Variants in PAAF1 observed in about 807,000 individuals in gnomAD.
PAAF1 encodes proteasomal ATPase associated factor 1, also known as proteasomal ATPase-associated factor 1.
Under a neutral mutation model 52.8 loss-of-function variants are expected in PAAF1, and 46 were observed. The observed-to-expected ratio is 0.87, with a 90% CI of 0.69 to 1.11. The LOEUF is 1.11. Ranked by LOEUF, PAAF1 falls within the 50% of genes most tolerant of loss-of-function variation. The probability of loss-of-function intolerance (pLI) is 0.00; values close to 1 mark genes in which losing one functional copy is unlikely to be tolerated. For missense variants in PAAF1, 424 were observed against 477.4 expected (o/e 0.89, Z 1.04); for synonymous variants, 178 against 172.8 (o/e 1.03, Z -0.24).
intron 2 of PAAF1, among the ~76,000 whole-genome samples, chr11:73,882,161 G>A (rs1251075935): frequency 1.3e-5 from 2 of 151,750 alleles, no homozygotes; most frequent in Non-Finnish European, 2.9e-5. Context: ...GATTACAGGC[G>A]TGAGCCACTG....
intron 8 of PAAF1, among the ~76,000 whole-genome samples, chr11:73,915,541 G>A (rs1249249144): frequency 1.3e-5 from 2 of 152,210 alleles, no homozygotes; most frequent in African/African-American, 2.4e-5. Flanking sequence ...CTGGAAGGTC[G>A]AGGCTGCAGT....
intron 10 of PAAF1, among the ~76,000 whole-genome samples, chr11:73,920,718 G>C (rs1056133925): frequency 6.6e-6 from 1 of 151,546 alleles, no homozygotes; most frequent in South Asian, 2.1e-4. Flanking sequence ...CTGGCATGGT[G>C]GCACACATCT....
At chr11:73,918,352 ATTTTTTTTTTTTT>A (rs1157984685) in intron 9 of PAAF1, among the ~76,000 whole-genome samples, 13 of 71,666 alleles carry the variant, frequency 1.8e-4, no homozygotes, top group South Asian at 6.7e-4. Flanking sequence ...CAGTTACTTA[ATTTTTTTTTTTTT>A]TTTTTTTTTT....
At chr11:73,922,069 C>T (rs1394662788) in intron 10 of PAAF1, 1 of 854,518 alleles carries the variant, frequency 1.2e-6, no homozygotes, top group African/African-American at 1.7e-5. Context: ...GCTTCATCCA[C>T]AGTATCTGTA....
intron 4 of PAAF1, among the ~76,000 whole-genome samples, chr11:73,892,786 A>T (rs1037653514): frequency 2.0e-5 from 3 of 151,974 alleles, no homozygotes; most frequent in Non-Finnish European, 4.4e-5. Flanking sequence ...AGCCTCCCGA[A>T]TAGCTGGGAT....
intron 4 of PAAF1, among the ~76,000 whole-genome samples, chr11:73,895,966 T>C (rs1236447562): frequency 6.6e-6 from 1 of 152,182 alleles, no homozygotes; most frequent in Non-Finnish European, 1.5e-5. Context: ...AAAAATTAGC[T>C]GGACATGCCA....
intron 3 of PAAF1, chr11:73,889,177 G>A: frequency 1.3e-6 from 2 of 1,527,934 alleles, no homozygotes; most frequent in Non-Finnish European, 1.8e-6. Context: ...CTCAGACCTG[G>A]ATACAGTCTT....
intron 8 of PAAF1, among the ~76,000 whole-genome samples, chr11:73,915,954 G>A (rs1173728240): frequency 6.6e-6 from 1 of 152,134 alleles, no homozygotes; most frequent in Admixed American, 6.5e-5. Flanking sequence ...CTTCCAGAGG[G>A]AAATCAGGTT....
intron 7 of PAAF1, among the ~76,000 whole-genome samples, chr11:73,912,445 C>T (rs1278956402): frequency 1.3e-5 from 2 of 152,166 alleles, no homozygotes; most frequent in East Asian, 3.8e-4. Flanking sequence ...CCTCTCTTTC[C>T]TCATGTCCCA....
At chr11:73,899,528 C>T (rs555926070) in intron 5 of PAAF1, among the ~76,000 whole-genome samples, 2 of 150,704 alleles carry the variant, frequency 1.3e-5, no homozygotes, top group South Asian at 2.1e-4. Context: ...TCTTGTGCCT[C>T]AGCCTCCCAA....
At chr11:73,919,113 C>A in intron 10 of PAAF1, 81 bp downstream of exon 10, 1 of 1,293,650 alleles carries the variant, frequency 7.7e-7, no homozygotes, top group Non-Finnish European at 1.1e-6. Context: ...TGATCTATGG[C>A]TGGGTTGGGG....
At chr11:73,902,950 G>A (rs1256195275) in intron 6 of PAAF1, among the ~76,000 whole-genome samples, 1 of 152,146 alleles carries the variant, frequency 6.6e-6, no homozygotes, top group African/African-American at 2.4e-5. Flanking sequence ...CGCCTGCCGT[G>A]GCCTCCCAAA....
intron 2 of PAAF1, chr11:73,879,214 G>A (rs1222683126): frequency 6.5e-6 from 1 of 153,260 alleles, no homozygotes; most frequent in Non-Finnish European, 1.5e-5. Context: ...CTGCTTAAAG[G>A]TCTCACTGTC....
At chr11:73,920,269 C>T (rs1337974301) in intron 10 of PAAF1, among the ~76,000 whole-genome samples, 3 of 152,078 alleles carry the variant, frequency 2.0e-5, no homozygotes, top group Admixed American at 1.3e-4. Context: ...CACAGTGGCT[C>T]ATGCCTATAA....
At chr11:73,896,972 G>A (rs530062483) in intron 4 of PAAF1, among the ~76,000 whole-genome samples, 11 of 133,856 alleles carry the variant, frequency 8.2e-5, no homozygotes, top group East Asian at 2.3e-4. Context: ...CTGGCCGGGC[G>A]GGGGGGCTGA....
chr11:73,892,337 A>G (rs1419075407), intron 4 of PAAF1, among the ~76,000 whole-genome samples: 2 of 151,748 alleles, frequency 1.3e-5, no homozygotes, highest in African/African-American at 2.4e-5. Context: ...AAAAAAAAAA[A>G]AAAAAGAAAG....
intron 6 of PAAF1, among the ~76,000 whole-genome samples, chr11:73,907,725 G>A (rs942195608): frequency 6.6e-6 from 1 of 152,284 alleles, no homozygotes; most frequent in East Asian, 1.9e-4. Context: ...CTCCTGTTCA[G>A]CCCCACTGAA....
intron 3 of PAAF1, among the ~76,000 whole-genome samples, chr11:73,890,177 C>G (rs987434556): frequency 4.6e-5 from 7 of 152,142 alleles, no homozygotes; most frequent in African/African-American, 1.7e-4. Context: ...GAGATCTATA[C>G]TTAAGTGATA....
intron 10 of PAAF1, among the ~76,000 whole-genome samples, chr11:73,919,657 A>G (rs1199909652): frequency 1.3e-5 from 2 of 152,200 alleles, no homozygotes; most frequent in Non-Finnish European, 2.9e-5. Context: ...TAGCCAGGAC[A>G]AACTCTTTGG....
Sources: gnomAD v4.1 joint callset for allele counts (sites outside exome capture counted in the v4.1 genomes callset) on GRCh38, gnomAD v4.1.1 for gene constraint, MANE v1.5 for transcripts, NCBI Gene and HGNC (gene_info 2026-07-23, HGNC 2026-07-21) for gene names.